The following MAGI1 variants were observed in gnomAD, a reference collection of about 807,000 sequenced individuals.
MAGI1 encodes membrane-associated guanylate kinase, WW and PDZ domain-containing protein 1.
Under a neutral mutation model 139.9 loss-of-function variants are expected in MAGI1, and 58 were observed. The observed-to-expected ratio is 0.41, with a 90% CI of 0.34 to 0.52. MAGI1 has a LOEUF of 0.52. Among genes scored for constraint, MAGI1 ranks in the 20% least tolerant of loss-of-function variants. MAGI1 has a pLI of 0.12. For missense variants in MAGI1, 1,874 were observed against 1,901.6 expected, an observed-to-expected ratio of 0.99 and a Z score of 0.27; for synonymous variants, 812 against 737.9, an observed-to-expected ratio of 1.10 and a Z score of -1.63.
intron 1 of MAGI1, among the ~76,000 whole-genome samples, chr3:65,773,071 C>A (rs757743353): frequency 3.9e-4 from 60 of 152,156 alleles, no homozygotes; most frequent in Non-Finnish European, 6.0e-4. Flanking sequence ...ACTCTACCTG[C>A]CTGGCAGGAC....
At chr3:65,376,080 G>C in intron 17 of MAGI1, 135 bp from the exon 18 acceptor site, 1 of 669,280 alleles carries the variant, frequency 1.5e-6, no homozygotes, top group Admixed American at 2.7e-5. Flanking sequence ...TATTAAAGGA[G>C]AGCTCTGCAC....
chr3:65,658,036 G>A (rs1576625648), intron 1 of MAGI1, among the ~76,000 whole-genome samples: 1 of 152,270 alleles, frequency 6.6e-6, no homozygotes, highest in East Asian at 1.9e-4. Flanking sequence ...AATAATTTGA[G>A]GTTTAATGTT....
chr3:65,621,742 G>A (rs975294976), intron 2 of MAGI1, among the ~76,000 whole-genome samples: 6 of 152,124 alleles, frequency 3.9e-5, no homozygotes, highest in African/African-American at 1.4e-4. Context: ...TGTGAAAAGT[G>A]GGCCTTACAA....
At chr3:65,787,184 T>C (rs1467931379) in intron 1 of MAGI1, among the ~76,000 whole-genome samples, 8 of 152,020 alleles carry the variant, frequency 5.3e-5, no homozygotes, top group Non-Finnish European at 4.4e-5. Flanking sequence ...ACAACAAAAG[T>C]TAGGCATGGA....
At chr3:65,555,222 G>A (rs1481972826) in intron 2 of MAGI1, among the ~76,000 whole-genome samples, 1 of 152,092 alleles carries the variant, frequency 6.6e-6, no homozygotes, top group Non-Finnish European at 1.5e-5. Context: ...CCCATGCTAG[G>A]CCCTTCCAGA....
At chr3:65,824,708 T>C (rs1205185644) in intron 1 of MAGI1, among the ~76,000 whole-genome samples, 1 of 152,196 alleles carries the variant, frequency 6.6e-6, no homozygotes, top group African/African-American at 2.4e-5. Context: ...CTTCTACATC[T>C]AATGCAGCAT....
At chr3:65,629,784 T>C (rs1395768454) in intron 1 of MAGI1, among the ~76,000 whole-genome samples, 1 of 152,184 alleles carries the variant, frequency 6.6e-6, no homozygotes, top group Non-Finnish European at 1.5e-5. Flanking sequence ...GCAATATAAA[T>C]CACTGGAGAG....
At chr3:65,676,057 G>C (rs2087171352) in intron 1 of MAGI1, among the ~76,000 whole-genome samples, 1 of 152,194 alleles carries the variant, frequency 6.6e-6, no homozygotes, top group African/African-American at 2.4e-5. Context: ...GTGATAAATT[G>C]AGTTCATATT....
chr3:65,359,501 G>T (rs1940569813), intron 22 of MAGI1: 1 of 1,042,300 alleles, frequency 9.6e-7, no homozygotes, highest in African/African-American at 1.7e-5. Flanking sequence ...AACAACAAAA[G>T]AACAAAATCC....
At chr3:65,812,431 A>ATCTCTCTCTCTCTTTTTCTC (rs2041301854) in intron 1 of MAGI1, among the ~76,000 whole-genome samples, 2 of 131,788 alleles carry the variant, frequency 1.5e-5, no homozygotes, top group Non-Finnish European at 3.2e-5. Flanking sequence ...ATTTTATAAA[A>ATCTCTCTCTCTCTTTTTCTC]TCTCTCTCTC....
intron 1 of MAGI1, among the ~76,000 whole-genome samples, chr3:65,891,030 C>A (rs1255686891): frequency 6.6e-6 from 1 of 151,920 alleles, no homozygotes; most frequent in African/African-American, 2.4e-5. Flanking sequence ...CTGGGCAACA[C>A]GGCAAAACCC....
chr3:65,538,875 C>A (rs890636133), intron 2 of MAGI1, among the ~76,000 whole-genome samples: 16 of 152,074 alleles, frequency 1.1e-4, no homozygotes, highest in Non-Finnish European at 4.4e-5. Context: ...ATACCAACTG[C>A]CTACTGTCAA....
At chr3:65,618,713 T>G (rs2083501017) in intron 2 of MAGI1, among the ~76,000 whole-genome samples, 1 of 152,166 alleles carries the variant, frequency 6.6e-6, no homozygotes, top group African/African-American at 2.4e-5. Flanking sequence ...ACTATTAACC[T>G]CTCTTGAGCC....
chr3:65,548,040 C>T (rs2079586947), intron 2 of MAGI1, among the ~76,000 whole-genome samples: 1 of 152,204 alleles, frequency 6.6e-6, no homozygotes, highest in Admixed American at 6.5e-5. Context: ...AAGCAAAGGT[C>T]TCCAATAACC....
intron 1 of MAGI1, among the ~76,000 whole-genome samples, chr3:65,714,487 C>T (rs9837196): frequency 0.38 from 56,914 of 151,762 alleles, 10,910 homozygotes; most frequent in Non-Finnish European, 0.42. Flanking sequence ...CTCCTCAGGA[C>T]TTGGGGAGCA....
chr3:65,954,346 C>G (rs2064009178), intron 1 of MAGI1: 1 of 152,528 alleles, frequency 6.6e-6, no homozygotes, highest in Admixed American at 6.5e-5. Context: ...GCCTAGGCAG[C>G]AGGCCAGCTA....
At chr3:65,539,837 G>A (rs908602376) in intron 2 of MAGI1, among the ~76,000 whole-genome samples, 1 of 152,188 alleles carries the variant, frequency 6.6e-6, no homozygotes, top group South Asian at 2.1e-4. Context: ...TTCACCACAA[G>A]TGCATTTTCC....
At chr3:65,408,231 A>T (rs1330071813) in intron 12 of MAGI1, among the ~76,000 whole-genome samples, 2 of 152,204 alleles carry the variant, frequency 1.3e-5, no homozygotes, top group Non-Finnish European at 2.9e-5. Context: ...TTTCAGTAAG[A>T]GCAGCATATA....
chr3:65,663,128 A>G (rs1440510654), intron 1 of MAGI1, among the ~76,000 whole-genome samples: 1 of 152,224 alleles, frequency 6.6e-6, no homozygotes, highest in Non-Finnish European at 1.5e-5. Flanking sequence ...ACAAAGTGAG[A>G]TTGAAAATAA....
Sources: gnomAD v4.1 joint callset for allele counts (sites outside exome capture counted in the v4.1 genomes callset) on GRCh38, gnomAD v4.1.1 for gene constraint, MANE v1.5 for transcripts, NCBI Gene and HGNC (gene_info 2026-07-23, HGNC 2026-07-21) for gene names.